PAFAH1B1: variants seen among roughly 807,000 people sequenced by gnomAD.
PAFAH1B1 encodes the protein platelet-activating factor acetylhydrolase IB subunit beta.
Under a neutral mutation model 57.5 loss-of-function variants are expected in PAFAH1B1, and 2 were observed. The observed-to-expected ratio is 0.03, with a 90% CI of 0.01 to 0.11. The LOEUF (loss-of-function observed/expected upper bound fraction) is 0.11. Among genes scored for constraint, PAFAH1B1 ranks in the 10% least tolerant of loss-of-function variants. The pLI, the probability that PAFAH1B1 is intolerant of heterozygous loss-of-function variation, is 1.00. For missense variants in PAFAH1B1, 257 were observed against 512.0 expected (o/e 0.50, Z 4.81); for synonymous variants, 152 against 169.6 (o/e 0.90, Z 0.81).
Position 2,646,002 on chromosome 17 carries a change from C to G in PAFAH1B1, c.32+7682C>G, listed in dbSNP as rs2068763395. 2.0e-5 allele frequency among the ~76,000 whole-genome samples: 3 copies of G among 152,008 alleles called. No individual in the cohort carries two copies. The South Asian group carries it at 6.2e-4, about 31-fold the overall frequency. On this transcript the variant is annotated intron_variant, in intron 2 of 10. Transcript: ENST00000397195. ...TAATGAGGGTACTGATAACAAAAAC[C>G]TATCAGATACAGCCAACATAGCCTA... is the stretch of plus-strand genomic sequence containing the variant.
intron 6 of PAFAH1B1, 85 bp from the exon 7 acceptor site, chr17:2,672,570 C>A: frequency 1.1e-6 from 1 of 930,018 alleles, no homozygotes; most frequent in South Asian, 1.4e-5. Context: ...TAGTGAAACC[C>A]CATGGTAAAA....
intron 8 of PAFAH1B1, chr17:2,676,275 G>T: frequency 2.2e-6 from 1 of 461,066 alleles, no homozygotes; most frequent in Non-Finnish European, 4.0e-6. Flanking sequence ...CTACTTGGGA[G>T]GCTGAGGCAG....
rs1035127494 is a variant in PAFAH1B1 at position 2,654,280 on chromosome 17, C to G, written c.33-11092C>G. ...TCTTGGCTCACTGCAACCCCTGTCT[C>G]CCAGGTTCAATCAATTCTCCTGCCT... On this transcript the variant is annotated intron_variant, in intron 2 of 10. Coordinates refer to ENST00000397195, the MANE Select transcript of PAFAH1B1 (RefSeq NM_000430.4). 5.3e-5 allele frequency among the ~76,000 whole-genome samples: 8 copies of G among 151,576 alleles called. No homozygotes were observed. The South Asian group carries it at 1.7e-3, about 32-fold the overall frequency.
chr17:2,621,240 G>A (rs575851669), intron 1 of PAFAH1B1, among the ~76,000 whole-genome samples: 16 of 152,088 alleles, frequency 1.1e-4, no homozygotes, highest in African/African-American at 3.1e-4. Context: ...TTCACCCTCC[G>A]AAAGGCCCCA....
At chr17:2,658,131 C>A (rs1381319581) in intron 2 of PAFAH1B1, among the ~76,000 whole-genome samples, 1 of 152,172 alleles carries the variant, frequency 6.6e-6, no homozygotes, top group African/African-American at 2.4e-5. Flanking sequence ...TGACCTCTGG[C>A]CTGTAGCAGG....
chr17:2,662,925 C>G (rs994575752), intron 2 of PAFAH1B1, among the ~76,000 whole-genome samples: 1 of 152,010 alleles, frequency 6.6e-6, no homozygotes, highest in African/African-American at 2.4e-5. Flanking sequence ...ACCAGCCTGA[C>G]CAACATGGAG....
chr17:2,664,658 A>G (rs2069072780), intron 2 of PAFAH1B1, among the ~76,000 whole-genome samples: 1 of 114,094 alleles, frequency 8.8e-6, no homozygotes, highest in African/African-American at 3.8e-5. Flanking sequence ...ATCTATATCT[A>G]TCTATCGCTC....
intron 10 of PAFAH1B1, 71 bp downstream of exon 10, chr17:2,680,391 G>GT: frequency 7.3e-7 from 1 of 1,375,478 alleles, no homozygotes; most frequent in Non-Finnish European, 1.0e-6. Context: ...TTACATAATC[G>GT]TGTGGACTTT....
At chr17:2,619,831 G>A (rs2068395267) in intron 1 of PAFAH1B1, among the ~76,000 whole-genome samples, 1 of 152,122 alleles carries the variant, frequency 6.6e-6, no homozygotes, top group Non-Finnish European at 1.5e-5. Flanking sequence ...CCATGCTGGA[G>A]TACCGTGGTT....
At chr17:2,639,427 C>G (rs969258127) in intron 2 of PAFAH1B1, 4 of 152,076 alleles carry the variant, frequency 2.6e-5, no homozygotes, top group African/African-American at 9.7e-5. Context: ...ATAATTAATG[C>G]AGATGCTTTA....
chr17:2,637,097 T>C (rs549865984), intron 1 of PAFAH1B1, among the ~76,000 whole-genome samples: 1 of 152,290 alleles, frequency 6.6e-6, no homozygotes, highest in South Asian at 2.1e-4. Context: ...TGGAATGGCA[T>C]TTGAAAGGTA....
chr17:2,594,466 C>T (rs990162703), intron 1 of PAFAH1B1, among the ~76,000 whole-genome samples: 3 of 152,252 alleles, frequency 2.0e-5, no homozygotes. Flanking sequence ...CCGCAGTCCC[C>T]ACCCCACCCT....
At chr17:2,606,217 C>T (rs961446631) in intron 1 of PAFAH1B1, among the ~76,000 whole-genome samples, 2 of 152,116 alleles carry the variant, frequency 1.3e-5, no homozygotes, top group African/African-American at 2.4e-5. Flanking sequence ...CTTAACTATT[C>T]GACTCCAAAA....
chr17:2,633,677 C>G (rs1221754936), intron 1 of PAFAH1B1, among the ~76,000 whole-genome samples: 1 of 152,146 alleles, frequency 6.6e-6, no homozygotes, highest in Admixed American at 6.5e-5. Context: ...TGAAACCATT[C>G]TCATCAAGGT....
At chr17:2,673,949 C>T in intron 7 of PAFAH1B1, 111 bp from the exon 8 acceptor site, 1 of 745,046 alleles carries the variant, frequency 1.3e-6, no homozygotes, top group Non-Finnish European at 2.4e-6. Context: ...TGTCGACTTG[C>T]ATCTCTAACT....
At chr17:2,614,786 C>G (rs35041946) in intron 1 of PAFAH1B1, among the ~76,000 whole-genome samples, 26,944 of 151,910 alleles carry the variant, frequency 0.18, 3,024 homozygotes, top group Non-Finnish European at 0.25. Context: ...ATGAGTCTTG[C>G]TGCGTTGCCC....
Position 2,655,785 on chromosome 17 carries a change from A to G in PAFAH1B1, c.33-9587A>G, listed in dbSNP as rs575512758. Among the ~76,000 whole-genome samples, 149 of 143,344 alleles carry G rather than the reference A, an allele frequency of 1.0e-3. 2 individuals carry two copies. Among genetic ancestry groups the G allele is most frequent in the African/African-American group, 3.7e-3 (139 of 38,008 alleles). 94.0% of individuals were successfully genotyped at this position (143,344 alleles called of 152,430 possible). ...GTCGTCACATTACCCGACCGATGTG[A>G]AAAAAAAAAAAATAGAAGAGGAAAG... On this transcript the variant is annotated intron_variant, in intron 2 of 10. Transcript: ENST00000397195.
chr17:2,681,161 G>A (rs2069378458), intron 10 of PAFAH1B1: 1 of 152,780 alleles, frequency 6.5e-6, no homozygotes, highest in Non-Finnish European at 1.5e-5. Context: ...AAACTCCCTT[G>A]CTGATCAGTA....
At chr17:2,627,068 T>A (rs1368492771) in intron 1 of PAFAH1B1, among the ~76,000 whole-genome samples, 2 of 152,232 alleles carry the variant, frequency 1.3e-5, no homozygotes, top group African/African-American at 4.8e-5. Context: ...TGATTGTTCC[T>A]TTTGCCATCC....
Sources: gnomAD v4.1 joint callset for allele counts (sites outside exome capture counted in the v4.1 genomes callset) on GRCh38, gnomAD v4.1.1 for gene constraint, MANE v1.5 for transcripts, NCBI Gene and HGNC (gene_info 2026-07-23, HGNC 2026-07-21) for gene names.